DNM2: variants seen among roughly 807,000 people sequenced by gnomAD.
DNM2 encodes the protein dynamin-2.
In DNM2, 15 loss-of-function variants were observed where a neutral mutation model predicts 99.0. The ratio of observed to expected loss-of-function variants is 0.15; its 90% confidence interval spans 0.10 to 0.23. The LOEUF (loss-of-function observed/expected upper bound fraction) is 0.23, where lower values mean the gene tolerates loss of function less well. Ranked by LOEUF, DNM2 falls within the 10% of genes least tolerant of loss-of-function variation. The pLI, the probability that DNM2 is intolerant of heterozygous loss-of-function variation, is 1.00. For missense variants in DNM2, 742 were observed against 1,189.4 expected (o/e 0.62, Z 5.53); for synonymous variants, 525 against 481.2 (o/e 1.09, Z -1.19).
chr19:10,745,611 C>G (rs920827261), intron 1 of DNM2, among the ~76,000 whole-genome samples: 1 of 152,166 alleles, frequency 6.6e-6, no homozygotes, highest in Non-Finnish European at 1.5e-5. Flanking sequence ...GGAGGAGGAT[C>G]GCTTCAGCCC....
At chr19:10,748,101 G>C (rs1307668772) in intron 1 of DNM2, among the ~76,000 whole-genome samples, 1 of 152,168 alleles carries the variant, frequency 6.6e-6, no homozygotes, top group Admixed American at 6.5e-5. Context: ...GGCTTGGGGG[G>C]CTGCAGGGAA....
chr19:10,729,927 GT>G (rs2069252863), intron 1 of DNM2, among the ~76,000 whole-genome samples: 1 of 151,538 alleles, frequency 6.6e-6, no homozygotes. Flanking sequence ...CAGTGGCACA[GT>G]CATGGCTCGC....
In DNM2 at chr19:10,739,411, A is replaced by C. The variant is rs541940972; in HGVS notation, c.162-20327A>C. On this transcript the variant is annotated intron_variant, in intron 1 of 20. Transcript: ENST00000389253. ...CATTTCCCCTAAACCCATACATATG[A>C]AGCAGTTCCTCCCTCCCCCAGCACC... Among the ~76,000 whole-genome samples, 4 of 152,292 alleles carry C rather than the reference A, an allele frequency of 2.6e-5. No homozygotes were observed. The South Asian group carries it at 8.3e-4, about 32-fold the overall frequency.
At chr19:10,821,680 C>T (rs1599623319) in intron 16 of DNM2, among the ~76,000 whole-genome samples, 1 of 152,150 alleles carries the variant, frequency 6.6e-6, no homozygotes, top group Non-Finnish European at 1.5e-5. Flanking sequence ...TACAGGCATG[C>T]ACCACCACGC....
chr19:10,825,853 CA>C (rs35659147), intron 18 of DNM2, among the ~76,000 whole-genome samples: 26,695 of 67,044 alleles, frequency 0.4, 4,503 homozygotes, highest in African/African-American at 0.65. Context: ...GACTCCATCT[CA>C]AAAAAAAAAA....
intron 1 of DNM2, among the ~76,000 whole-genome samples, chr19:10,750,536 GA>G (rs2070156964): frequency 6.6e-6 from 1 of 152,124 alleles, no homozygotes; most frequent in Non-Finnish European, 1.5e-5. Flanking sequence ...AGCTACTCAG[GA>G]GGCCGAGACT....
At chr19:10,751,946 C>T (rs761215425) in intron 1 of DNM2, among the ~76,000 whole-genome samples, 7 of 152,258 alleles carry the variant, frequency 4.6e-5, no homozygotes, top group Non-Finnish European at 8.8e-5. Context: ...AACAAAGGGA[C>T]ACGAGAGCCT....
At position 10,775,191 on chromosome 19, in the gene DNM2, C is replaced by G. The variant is rs909231991; in HGVS notation, c.386-512C>G. 2.6e-5 allele frequency among the ~76,000 whole-genome samples: 4 copies of G among 152,182 alleles called. No individual in the cohort carries two copies. The highest frequency in any genetic ancestry group is 9.7e-5 in the African/African-American group (4 of 41,448). On this transcript the variant is annotated intron_variant, in intron 3 of 20. Transcript: ENST00000389253. This position sits in a 1 kb window ranked among gnomAD's most constrained non-coding sequence, Gnocchi z 4.3. ...CCACCTTCTGGGTTCAAGTGTTTCTCATGCCTCAGCCTCCAGAGTAGCTGG... is the reference window on the plus strand; with the variant it reads ...CCACCTTCTGGGTTCAAGTGTTTCTGATGCCTCAGCCTCCAGAGTAGCTGG...
At position 10,772,569 on chromosome 19, in the gene DNM2, C is replaced by T. The variant is rs2071017077; in HGVS notation, c.326C>T (p.Thr109Met). Reference sequence around the variant, plus strand: ...ATTGAAGCAGAGACCGACAGGGTCACGGGGACCAACAAAGGCATCTCCCCA... The same window carrying T: ...ATTGAAGCAGAGACCGACAGGGTCATGGGGACCAACAAAGGCATCTCCCCA... The part of the protein sequence containing the change: ...QEIEAETDRV[T>M]GTNKGISPVP... Residue 109 changes from threonine to methionine, a missense_variant, in exon 3 of 21, where the codon ACG becomes ATG. Physicochemically the swap from Thr to Met is moderately conservative, Grantham distance 81 (BLOSUM62 -1). Around this residue, in one of 7 missense-constraint regions of DNM2, gnomAD observed 192 missense variants for 358.9 expected, o/e 0.54. Coordinates refer to ENST00000389253, the MANE Select transcript of DNM2 (RefSeq NM_001005361.3). The surrounding 1 kb of genome is among the most constrained non-coding windows in gnomAD (Gnocchi z 4.9). The T allele has an allele frequency of 1.2e-6, 2 of 1,614,152 alleles. No homozygotes were observed. Among genetic ancestry groups the T allele is most frequent in the Non-Finnish European group, 1.7e-6 (2 of 1,180,030 alleles).
intron 1 of DNM2, among the ~76,000 whole-genome samples, chr19:10,756,952 A>G (rs930947548): frequency 1.7e-4 from 26 of 152,110 alleles, no homozygotes; most frequent in Admixed American, 1.0e-3. Context: ...TCTGCCCTGC[A>G]TCAGCCAGAG....
At chr19:10,758,387 T>C (rs1489737179) in intron 1 of DNM2, among the ~76,000 whole-genome samples, 8 of 121,316 alleles carry the variant, frequency 6.6e-5, no homozygotes, top group African/African-American at 1.2e-4. Flanking sequence ...CCCTCCCTCC[T>C]TCCTTCCCTC....
chr19:10,792,101 CAAAA>C (rs202056521), intron 7 of DNM2, among the ~76,000 whole-genome samples: 6 of 151,664 alleles, frequency 4.0e-5, no homozygotes, highest in Admixed American at 1.3e-4. Flanking sequence ...AAACAAAAAA[CAAAA>C]AAAACAAATT....
intron 1 of DNM2, among the ~76,000 whole-genome samples, chr19:10,720,779 A>G (rs1438614566): frequency 6.6e-6 from 1 of 152,226 alleles, no homozygotes; most frequent in African/African-American, 2.4e-5. Context: ...TGCCTGGCAC[A>G]TAGTAGGTCT....
At chr19:10,730,646 T>C (rs552375986) in intron 1 of DNM2, among the ~76,000 whole-genome samples, 78 of 152,014 alleles carry the variant, frequency 5.1e-4, no homozygotes, top group Non-Finnish European at 9.9e-4. Context: ...AAGTGGAGAT[T>C]TGCTCCATCT....
In DNM2 at chr19:10,755,749, C is replaced by T. The variant is rs138298629; in HGVS notation, c.162-3989C>T. On this transcript the variant is annotated intron_variant, in intron 1 of 20. Transcript: ENST00000389253. ...TGCGATCTCGGCTCACTACAATCTC[C>T]GCCTCCCGGGTTCAAGCCATTCTCG... is the stretch of plus-strand genomic sequence containing the variant. 1.9e-3 allele frequency among the ~76,000 whole-genome samples: 284 copies of T among 152,076 alleles called. 1 individual carries two copies. The highest frequency in any genetic ancestry group is 4.5e-3 in the Admixed American group (69 of 15,250).
chr19:10,724,725 G>A (rs747755388), intron 1 of DNM2, among the ~76,000 whole-genome samples: 15 of 152,160 alleles, frequency 9.9e-5, no homozygotes, highest in Admixed American at 2.0e-4. Flanking sequence ...AGCTGGTGGC[G>A]CTACTGCTGT....
chr19:10,799,343 T>C (rs1247007986), intron 11 of DNM2, among the ~76,000 whole-genome samples: 1 of 152,100 alleles, frequency 6.6e-6, no homozygotes, highest in Admixed American at 6.6e-5. Flanking sequence ...CTTGACTCCC[T>C]TCCTGCCACC....
chr19:10,783,407 C>T (rs1217848444), intron 6 of DNM2, among the ~76,000 whole-genome samples: 2 of 152,106 alleles, frequency 1.3e-5, no homozygotes, highest in African/African-American at 4.8e-5. Flanking sequence ...ATCAAGGCTT[C>T]AGTGAGCCAT....
At chr19:10,742,189 T>C (rs1161334696) in intron 1 of DNM2, among the ~76,000 whole-genome samples, 1 of 152,018 alleles carries the variant, frequency 6.6e-6, no homozygotes, top group Non-Finnish European at 1.5e-5. Flanking sequence ...TCCGCAGGCT[T>C]GTGTGTCTGC....
Sources: gnomAD v4.1 joint callset for allele counts (sites outside exome capture counted in the v4.1 genomes callset) on GRCh38, gnomAD v4.1.1 for gene constraint, gnomAD v4.1.1 regional missense constraint, Gnocchi (gnomAD v3.1) non-coding constraint, MANE v1.5 for transcripts, NCBI Gene and HGNC (gene_info 2026-07-23, HGNC 2026-07-21) for gene names.